Variants in MUC13 observed in about 807,000 individuals in gnomAD.
MUC13 encodes the protein mucin-13.
A neutral mutation model predicts 48.3 loss-of-function variants in MUC13; 32 were observed. That is an observed-to-expected ratio of 0.66 (90% CI 0.50 to 0.89). The LOEUF is 0.89. Among genes scored for constraint, MUC13 ranks in the 40% least tolerant of loss-of-function variants. The pLI is 0.00. For synonymous variants in MUC13, 199 were observed against 224.9 expected, an observed-to-expected ratio of 0.88 and a Z score of 1.03; for missense variants, 571 against 622.8, an observed-to-expected ratio of 0.92 and a Z score of 0.88.
At chr3:124,909,485 CGTGTGTGTGT>C (rs71148156) in intron 10 of MUC13, among the ~76,000 whole-genome samples, 15 of 148,442 alleles carry the variant, frequency 1.0e-4, no homozygotes, top group South Asian at 4.3e-4. Context: ...TGTGTGCTTG[CGTGTGTGTGT>C]GTGTGTGTGT....
intron 1 of MUC13, among the ~76,000 whole-genome samples, chr3:124,928,873 C>A (rs375944331): frequency 6.6e-6 from 1 of 152,226 alleles, no homozygotes; most frequent in Admixed American, 6.5e-5. Flanking sequence ...GCAACTGTCC[C>A]ATTTTTTCAT....
chr3:124,929,530 C>A (rs1935758409), intron 1 of MUC13, among the ~76,000 whole-genome samples: 1 of 152,218 alleles, frequency 6.6e-6, no homozygotes, highest in African/African-American at 2.4e-5. Flanking sequence ...GAGCCTGATT[C>A]TTCACCTTGA....
At chr3:124,914,831 C>G (rs1428771271) in intron 6 of MUC13, among the ~76,000 whole-genome samples, 3 of 152,134 alleles carry the variant, frequency 2.0e-5, no homozygotes, top group Non-Finnish European at 4.4e-5. Flanking sequence ...GAGGCTGAGG[C>G]AGGAGAATCG....
At chr3:124,922,023 C>T (rs965334272) in intron 4 of MUC13, among the ~76,000 whole-genome samples, 174 bp downstream of exon 4, 33 of 152,254 alleles carry the variant, frequency 2.2e-4, no homozygotes, top group African/African-American at 7.0e-4. Context: ...GTGGTGGCAC[C>T]GGTGGAGGCG....
chr3:124,926,199 C>T (rs1275457203), intron 2 of MUC13, among the ~76,000 whole-genome samples: 1 of 152,114 alleles, frequency 6.6e-6, no homozygotes, highest in Admixed American at 6.5e-5. Context: ...TGTTTCATGG[C>T]CAGGAATTGA....
chr3:124,932,936 C>A (rs1935821559), intron 1 of MUC13, among the ~76,000 whole-genome samples: 3 of 152,122 alleles, frequency 2.0e-5, no homozygotes, highest in Admixed American at 2.0e-4. Context: ...TGTCCCCTCC[C>A]AGCCAACTTT....
At chr3:124,910,041 C>A (rs1208353504) in intron 10 of MUC13, among the ~76,000 whole-genome samples, 1 of 152,168 alleles carries the variant, frequency 6.6e-6, no homozygotes, top group Non-Finnish European at 1.5e-5. Flanking sequence ...TTAAATTCCG[C>A]CCCTTTACCC....
intron 5 of MUC13, among the ~76,000 whole-genome samples, chr3:124,918,477 G>A (rs561664913): frequency 6.6e-6 from 1 of 152,242 alleles, no homozygotes; most frequent in South Asian, 2.1e-4. Flanking sequence ...CACACTGCAG[G>A]GTCCCATATT....
At chr3:124,916,662 C>A (rs989444550) in intron 5 of MUC13, among the ~76,000 whole-genome samples, 182 bp from the exon 6 acceptor site, 1 of 152,090 alleles carries the variant, frequency 6.6e-6, no homozygotes, top group African/African-American at 2.4e-5. Context: ...GCTTGGAGGT[C>A]TCTATTTGAT....
intron 5 of MUC13, among the ~76,000 whole-genome samples, chr3:124,917,352 AT>A (rs55997120): frequency 0.023 from 3,333 of 144,732 alleles, 133 homozygotes; most frequent in African/African-American, 0.079. Context: ...CCTTTTTGAC[AT>A]TTTTTTTTTT....
chr3:124,920,090 T>C, intron 5 of MUC13, 144 bp downstream of exon 5: 2 of 753,048 alleles, frequency 2.7e-6, no homozygotes, highest in Non-Finnish European at 4.6e-6. Flanking sequence ...CAGTCCCCTT[T>C]GCAGTGCTCA....
chr3:124,927,114 G>A (rs756250580), intron 2 of MUC13, among the ~76,000 whole-genome samples: 1 of 152,200 alleles, frequency 6.6e-6, no homozygotes, highest in Non-Finnish European at 1.5e-5. Flanking sequence ...TACAAGGGTA[G>A]AACTGACTTC....
intron 1 of MUC13, among the ~76,000 whole-genome samples, chr3:124,928,959 A>G (rs1308048767): frequency 6.6e-6 from 1 of 152,214 alleles, no homozygotes. Flanking sequence ...TACCTCATTA[A>G]GTGCTTATTA....
At chr3:124,915,795 C>G (rs535314628) in intron 6 of MUC13, among the ~76,000 whole-genome samples, 2 of 147,616 alleles carry the variant, frequency 1.4e-5, no homozygotes, top group South Asian at 4.1e-4. Flanking sequence ...ATGCAATCCT[C>G]CCACCTCAGC....
intron 10 of MUC13, among the ~76,000 whole-genome samples, chr3:124,909,900 A>G (rs1935389354): frequency 6.6e-6 from 1 of 152,208 alleles, no homozygotes; most frequent in Non-Finnish European, 1.5e-5. Context: ...AAAAACCTCA[A>G]TCCAAAATTT....
intron 5 of MUC13, among the ~76,000 whole-genome samples, chr3:124,919,773 AG>A (rs2107670624): frequency 6.6e-6 from 1 of 152,250 alleles, no homozygotes; most frequent in South Asian, 2.1e-4. Context: ...CACTGCAGAA[AG>A]CTCACCACTG....
chr3:124,907,517 C>T lies in MUC13; in HGVS notation c.*630G>A, dbSNP rs139163875. 4.4e-3 allele frequency among the ~76,000 whole-genome samples: 669 copies of T among 152,232 alleles called. 5 individuals carry two copies. Among genetic ancestry groups the T allele is most frequent in the African/African-American group, 0.015 (629 of 41,524 alleles). On this transcript the variant is annotated intron_variant, in intron 11 of 11. Coordinates refer to ENST00000616727, the MANE Select transcript of MUC13 (RefSeq NM_033049.4). ...CCTGTAGTCCCAGCTACTTGGGAGGCTGAGGTAGGAGGATCACTTAAGCCC... is the reference window on the plus strand; with the variant it reads ...CCTGTAGTCCCAGCTACTTGGGAGGTTGAGGTAGGAGGATCACTTAAGCCC...
At chr3:124,913,494 T>A in intron 7 of MUC13, 68 bp downstream of exon 7, 1 of 1,608,998 alleles carries the variant, frequency 6.2e-7, no homozygotes, top group Non-Finnish European at 8.5e-7. Flanking sequence ...AAGGAGTGAA[T>A]TTTTTATGTT....
At chr3:124,933,162 T>C (rs959416637) in intron 1 of MUC13, among the ~76,000 whole-genome samples, 3 of 152,068 alleles carry the variant, frequency 2.0e-5, no homozygotes, top group East Asian at 3.9e-4. Context: ...TGAAACCAGC[T>C]CTCAAAAAAC....
Sources: allele counts gnomAD v4.1 joint callset (sites outside exome capture counted in the v4.1 genomes callset), GRCh38; gene constraint gnomAD v4.1.1; transcripts MANE v1.5; gene names NCBI Gene and HGNC (gene_info 2026-07-23, HGNC 2026-07-21).